The following COL27A1 variants were observed in gnomAD, a reference collection of about 807,000 sequenced individuals.
COL27A1 encodes collagen alpha-1(XXVII) chain.
A neutral mutation model predicts 251.3 loss-of-function variants in COL27A1; 106 were observed. That is an observed-to-expected ratio of 0.42 (90% CI 0.36 to 0.50). The LOEUF is 0.50. Among genes scored for constraint, COL27A1 ranks in the 20% least tolerant of loss-of-function variants. The pLI, the probability that COL27A1 is intolerant of heterozygous loss-of-function variation, is 0.00. For missense variants in COL27A1, 2,325 were observed against 2,522.8 expected, an observed-to-expected ratio of 0.92 and a Z score of 1.68; for synonymous variants, 1,000 against 986.3, an observed-to-expected ratio of 1.01 and a Z score of -0.26.
chr9:114,176,049 C>A (rs1827412987), intron 3 of COL27A1, among the ~76,000 whole-genome samples: 1 of 152,138 alleles, frequency 6.6e-6, no homozygotes, highest in African/African-American at 2.4e-5. Flanking sequence ...GTGGCAGCTG[C>A]CCAGGGTAGG....
intron 40 of COL27A1, among the ~76,000 whole-genome samples, chr9:114,284,425 T>G (rs183413414): frequency 3.2e-4 from 48 of 152,318 alleles, no homozygotes; most frequent in African/African-American, 1.2e-3. Context: ...ATTTTGCCCC[T>G]GTCCCTGGTT....
chr9:114,275,432 A>C (rs1358232043), intron 36 of COL27A1, among the ~76,000 whole-genome samples: 2 of 152,164 alleles, frequency 1.3e-5, no homozygotes, highest in Non-Finnish European at 2.9e-5. Context: ...GCAGGGACAC[A>C]TGGGAGCCTC....
intron 28 of COL27A1, among the ~76,000 whole-genome samples, chr9:114,260,348 C>A (rs1834232919): frequency 6.6e-6 from 1 of 152,186 alleles, no homozygotes; most frequent in African/African-American, 2.4e-5. Context: ...TGAGATCGGC[C>A]CCCTGGGTCT....
chr9:114,288,753 C>A lies in COL27A1; in HGVS notation c.4096C>A (p.Pro1366Thr). 1 of 1,610,160 alleles carries A rather than the reference C, an allele frequency of 6.2e-7. No homozygotes were observed. The highest frequency in any genetic ancestry group is 8.5e-7 in the Non-Finnish European group (1 of 1,176,910). The change falls in exon 43 of 61, where the codon CCT becomes ACT. Residue 1366 changes from proline to threonine, a missense_variant and splice_region_variant. Transcript: ENST00000356083. Reference sequence around the variant, plus strand: ...CGGGGAACCGGGAGACCCTGGGTACCCTGTAAGTATCAGAGCTCCTACCTG... The same window carrying A: ...CGGGGAACCGGGAGACCCTGGGTACACTGTAAGTATCAGAGCTCCTACCTG... The part of the protein sequence containing the change: ...DRGEPGDPGY[P>T]GQEGVQGLRG...
At chr9:114,182,898 A>T in intron 4 of COL27A1, 124 bp from the exon 5 acceptor site, 1 of 826,254 alleles carries the variant, frequency 1.2e-6, no homozygotes, top group Admixed American at 2.0e-5. Flanking sequence ...CAGTGTTGCT[A>T]GGGCTTGGCT....
chr9:114,300,517 T>TCTTGAGGCC lies in COL27A1; in HGVS notation c.4639-103_4639-102insGGCCCTTGA, dbSNP rs568799477. ...TCTGGGGCCTCTCAGGTAAGGCCTC[T>TCTTGAGGCC]CTTGACAAGAAGGGCAAAGGTTGAC... On this transcript the variant is annotated intron_variant, in intron 50 of 60. Coordinates refer to ENST00000356083, the MANE Select transcript of COL27A1 (RefSeq NM_032888.4). 2.4e-5 allele frequency: 20 copies of TCTTGAGGCC among 847,700 alleles called. No individual in the cohort carries two copies. In the African/African-American group the frequency reaches 3.1e-4, roughly 13 times the overall value. 52.5% of individuals were successfully genotyped at this position (847,700 alleles called of 1,614,324 possible). A position where few individuals can be genotyped will look rare whatever the true frequency, so the allele number is the denominator to read the frequency against.
chr9:114,209,769 C>G, intron 11 of COL27A1, 41 bp downstream of exon 11: 3 of 1,591,910 alleles, frequency 1.9e-6, no homozygotes, highest in Non-Finnish European at 2.6e-6. Context: ...CACAGCCACC[C>G]CTGCCCAAAC....
At chr9:114,237,095 G>A in intron 18 of COL27A1, 61 bp downstream of exon 18, 1 of 1,471,782 alleles carries the variant, frequency 6.8e-7, no homozygotes, top group African/African-American at 1.4e-5. Flanking sequence ...CGTGTAATGT[G>A]GCTGGGGACA....
chr9:114,280,415 C>G (rs1352546291), intron 37 of COL27A1, among the ~76,000 whole-genome samples: 1 of 152,214 alleles, frequency 6.6e-6, no homozygotes, highest in African/African-American at 2.4e-5. Flanking sequence ...GTTGGCCAGG[C>G]TGGTCTTGAG....
At chr9:114,162,593 G>T (rs1848574312) in intron 1 of COL27A1, 122 bp from the exon 2 acceptor site, 1 of 711,954 alleles carries the variant, frequency 1.4e-6, no homozygotes, top group East Asian at 2.5e-5. Flanking sequence ...CTGGCCTCCT[G>T]CCTCCCGTGG....
Position 114,168,926 on chromosome 9 carries a change from A to T in COL27A1, c.1371A>T (p.Leu457=), listed in dbSNP as rs1322600074. ...TSSSKKPIPT[L]ARTEAKITSH... Reference sequence around the variant, plus strand: ...CCTCTAAAAAACCCATTCCCACACTAGCTCGGACTGAGGCCAAGATAACCA... The same window carrying T: ...CCTCTAAAAAACCCATTCCCACACTTGCTCGGACTGAGGCCAAGATAACCA... Residue 457 remains leucine, a synonymous_variant, in exon 3 of 61, where the codon CTA becomes CTT. Transcript: ENST00000356083. 6.2e-7 allele frequency: 1 copy of T among 1,613,858 alleles called. No homozygotes were observed. The highest frequency in any genetic ancestry group is 1.3e-5 in the African/African-American group (1 of 74,850).
chr9:114,172,470 G>A (rs1274502770), intron 3 of COL27A1, among the ~76,000 whole-genome samples: 2 of 152,172 alleles, frequency 1.3e-5, no homozygotes, highest in Non-Finnish European at 2.9e-5. Context: ...CTCTGGTGGG[G>A]AGGGTGGCCT....
chr9:114,169,813 A>C (rs1849183777), intron 3 of COL27A1, among the ~76,000 whole-genome samples: 1 of 152,232 alleles, frequency 6.6e-6, no homozygotes, highest in Non-Finnish European at 1.5e-5. Flanking sequence ...GACTGGCTCC[A>C]GATCATGCAG....
At chr9:114,190,236 T>C (rs952424399) in intron 5 of COL27A1, among the ~76,000 whole-genome samples, 2 of 152,224 alleles carry the variant, frequency 1.3e-5, no homozygotes, top group African/African-American at 4.8e-5. Context: ...ATGACATATA[T>C]AGGAGGCTTC....
At chr9:114,265,279 C>G in intron 31 of COL27A1, 143 bp from the exon 32 acceptor site, 1 of 1,088,424 alleles carries the variant, frequency 9.2e-7, no homozygotes, top group Non-Finnish European at 1.4e-6. Flanking sequence ...AGCACATCCT[C>G]TCTTCTCTGG....
intron 5 of COL27A1, 93 bp downstream of exon 5, chr9:114,183,168 C>T: frequency 8.2e-7 from 1 of 1,213,458 alleles, no homozygotes; most frequent in Non-Finnish European, 1.2e-6. Context: ...GGGAGGGCTT[C>T]AGGGGAACTG....
At chr9:114,301,548 C>T (rs1299521791) in intron 54 of COL27A1, 86 bp downstream of exon 54, 12 of 1,548,626 alleles carry the variant, frequency 7.7e-6, no homozygotes, top group African/African-American at 2.7e-5. Flanking sequence ...TCTCTCCCTC[C>T]GGACCTCCGT....
chr9:114,264,724 G>A (rs1168208345), intron 29 of COL27A1, among the ~76,000 whole-genome samples, 200 bp from the exon 30 acceptor site: 1 of 152,130 alleles, frequency 6.6e-6, no homozygotes, highest in African/African-American at 2.4e-5. Context: ...GGGGTCCTTG[G>A]TTCTCCACCT....
At chr9:114,162,941 G>C (rs939989814) in intron 2 of COL27A1, among the ~76,000 whole-genome samples, 156 bp downstream of exon 2, 1 of 151,948 alleles carries the variant, frequency 6.6e-6, no homozygotes, top group Non-Finnish European at 1.5e-5. Context: ...TTCTCTTTAG[G>C]CTTGAAAGAA....
Sources: gnomAD v4.1 joint callset for allele counts (sites outside exome capture counted in the v4.1 genomes callset) on GRCh38, gnomAD v4.1.1 for gene constraint, MANE v1.5 for transcripts, NCBI Gene and HGNC (gene_info 2026-07-23, HGNC 2026-07-21) for gene names.